The following EFNA5 variants were observed in gnomAD, a reference collection of about 807,000 sequenced individuals.
EFNA5 encodes ephrin A5, also known as ephrin-A5.
In EFNA5, 5 loss-of-function variants were observed where a neutral mutation model predicts 22.9. That is an observed-to-expected ratio of 0.22 (90% CI 0.11 to 0.46). The LOEUF (loss-of-function observed/expected upper bound fraction) is 0.46, where lower values mean the gene tolerates loss of function less well. Ranked by LOEUF, EFNA5 falls within the 20% of genes least tolerant of loss-of-function variation. The pLI is 0.99. For synonymous variants in EFNA5, 113 were observed against 112.2 expected (o/e 1.01, Z -0.04); for missense variants, 237 against 293.3 (o/e 0.81, Z 1.40).
intron 2 of EFNA5, among the ~76,000 whole-genome samples, chr5:107,421,698 G>A (rs252801): frequency 0.5 from 76,386 of 152,000 alleles, 20,214 homozygotes; most frequent in Non-Finnish European, 0.59. Flanking sequence ...TGATGTCAGA[G>A]TGAGTGCTAT....
At chr5:107,566,611 AC>A (rs923224280) in intron 1 of EFNA5, among the ~76,000 whole-genome samples, 1 of 152,240 alleles carries the variant, frequency 6.6e-6, no homozygotes, top group Non-Finnish European at 1.5e-5. Context: ...ATAGATCTTC[AC>A]AAGAGGGAGC....
At chr5:107,486,471 C>T (rs976999044) in intron 1 of EFNA5, among the ~76,000 whole-genome samples, 1 of 152,040 alleles carries the variant, frequency 6.6e-6, no homozygotes, top group Non-Finnish European at 1.5e-5. Context: ...GAGAGTGGTT[C>T]GGGTAACTTA....
chr5:107,569,495 ATGTGTATATATATTTATATATG>A (rs1561435830), intron 1 of EFNA5, among the ~76,000 whole-genome samples: 19 of 130,554 alleles, frequency 1.5e-4, no homozygotes, highest in African/African-American at 4.8e-4. Context: ...ATTTATATAT[ATGTGTATATATATTTATATATG>A]TGTGTATATA....
chr5:107,445,657 G>A lies in EFNA5; in HGVS notation c.126-18148C>T, dbSNP rs1010112853. Among the ~76,000 whole-genome samples the A allele has an allele frequency of 5.3e-5, 8 of 152,120 alleles. No individual in the cohort carries two copies. The East Asian group carries it at 1.5e-3, about 29-fold the overall frequency. ...AGGCAGAGGGACACCTAGCAGGTGT[G>A]GAGTTCAGCCACCCAGACCTCTCCA... is the stretch of plus-strand genomic sequence containing the variant. On this transcript the variant is annotated intron_variant, in intron 1 of 4. Transcript: ENST00000333274.
At chr5:107,599,759 T>C (rs1749549669) in intron 1 of EFNA5, among the ~76,000 whole-genome samples, 1 of 152,172 alleles carries the variant, frequency 6.6e-6, no homozygotes, top group Non-Finnish European at 1.5e-5. Context: ...AGAAGAATAA[T>C]TGCCAAAGTA....
intron 2 of EFNA5, among the ~76,000 whole-genome samples, chr5:107,403,135 C>T (rs1410992657): frequency 6.6e-6 from 1 of 152,160 alleles, no homozygotes; most frequent in Admixed American, 6.5e-5. Flanking sequence ...TAGCCAGGGC[C>T]TGAACCACGC....
At chr5:107,665,898 T>C (rs1184555422) in intron 1 of EFNA5, among the ~76,000 whole-genome samples, 1 of 152,170 alleles carries the variant, frequency 6.6e-6, no homozygotes, top group African/African-American at 2.4e-5. Flanking sequence ...ACCTCAATCA[T>C]ACTGCCTTAT....
At position 107,381,052 on chromosome 5, in the gene EFNA5, G is replaced by A. The variant is rs561312287; in HGVS notation, c.*203C>T. ...CAAGGGCCAGGGCTGGGGGTGGGGCGGGGTGGGGTGAGGGAGGCAGGAACA... is the reference window on the plus strand; with the variant it reads ...CAAGGGCCAGGGCTGGGGGTGGGGCAGGGTGGGGTGAGGGAGGCAGGAACA... On this transcript the variant is annotated 3_prime_UTR_variant, in exon 5 of 5. Transcript: ENST00000333274. 11 of 636,800 alleles carry A rather than the reference G, an allele frequency of 1.7e-5. No individual in the cohort carries two copies. Among genetic ancestry groups the A allele is most frequent in the East Asian group, 2.9e-5 (1 of 34,842 alleles). The allele number at this position is 636,800 out of a possible 1,614,324, so 39.4% of individuals were successfully genotyped here.
intron 1 of EFNA5, among the ~76,000 whole-genome samples, chr5:107,609,390 C>T (rs998433021): frequency 2.0e-5 from 3 of 152,184 alleles, no homozygotes; most frequent in Admixed American, 2.0e-4. Flanking sequence ...TAACCGTCTG[C>T]CATGCCAGCC....
At chr5:107,552,097 C>A (rs2445074) in intron 1 of EFNA5, among the ~76,000 whole-genome samples, 49,891 of 151,848 alleles carry the variant, frequency 0.33, 9,262 homozygotes, top group South Asian at 0.49. Context: ...TTAAAAAATT[C>A]TGGCGTTAGC....
rs1363882358 is a variant in EFNA5 at position 107,511,041 on chromosome 5, T to TGTGTGTGTGTGTGTGTGA, written c.126-83533_126-83532insTCACACACACACACACAC. 4.9e-4 allele frequency among the ~76,000 whole-genome samples: 74 copies of TGTGTGTGTGTGTGTGTGA among 149,848 alleles called. 1 individual carries two copies. The highest frequency in any genetic ancestry group is 1.5e-3 in the African/African-American group (60 of 40,158). ...GTGTGTGTGTGTGTGTGTGTGTGTG[T>TGTGTGTGTGTGTGTGTGA]GAGACGGAGAGTTTTGCTCTTGTTG... On this transcript the variant is annotated intron_variant, in intron 1 of 4. Coordinates refer to ENST00000333274, the MANE Select transcript of EFNA5 (RefSeq NM_001962.3).
At chr5:107,427,580 G>T in intron 1 of EFNA5, 71 bp from the exon 2 acceptor site, 1 of 1,398,378 alleles carries the variant, frequency 7.2e-7, no homozygotes. Flanking sequence ...CAGTGGTTAA[G>T]CCATTCAATA....
At chr5:107,521,697 G>A (rs549030349) in intron 1 of EFNA5, among the ~76,000 whole-genome samples, 4 of 152,060 alleles carry the variant, frequency 2.6e-5, no homozygotes, top group South Asian at 4.2e-4. Context: ...ACTGCATATC[G>A]CCAGCCTGGG....
In EFNA5 at chr5:107,538,386, G is replaced by A. The variant is rs116440721; in HGVS notation, c.126-110877C>T. Among the ~76,000 whole-genome samples, 423 of 152,298 alleles carry A rather than the reference G, an allele frequency of 2.8e-3. 1 individual carries two copies. Among genetic ancestry groups the A allele is most frequent in the African/African-American group, 9.7e-3 (404 of 41,568 alleles). ...TGCAAAGTACTATGCTTGCCATTCT[G>A]ACAAGTACAAAGCACTGTTTATGCT... On this transcript the variant is annotated intron_variant, in intron 1 of 4. Transcript: ENST00000333274.
intron 2 of EFNA5, among the ~76,000 whole-genome samples, chr5:107,389,403 A>T (rs1156491525): frequency 6.6e-6 from 1 of 152,216 alleles, no homozygotes; most frequent in Non-Finnish European, 1.5e-5. Context: ...CGGGTTCCTG[A>T]GGGAGTATAT....
intron 1 of EFNA5, among the ~76,000 whole-genome samples, chr5:107,648,441 C>T (rs1465444195): frequency 6.6e-6 from 1 of 152,092 alleles, no homozygotes. Context: ...CTTCCAAATG[C>T]AAAGGGAAAA....
chr5:107,612,421 G>A (rs1469344587), intron 1 of EFNA5, among the ~76,000 whole-genome samples: 1 of 151,874 alleles, frequency 6.6e-6, no homozygotes, highest in Non-Finnish European at 1.5e-5. Context: ...AAGCCTATTT[G>A]TTGCTAGAAA....
Position 107,381,194 on chromosome 5 carries a change from T to A in EFNA5, c.*61A>T. The A allele has an allele frequency of 1.3e-6, 2 of 1,550,298 alleles. No homozygotes were observed. The highest frequency in any genetic ancestry group is 1.8e-6 in the Non-Finnish European group (2 of 1,136,456). On this transcript the variant is annotated 3_prime_UTR_variant, in exon 5 of 5. Coordinates refer to ENST00000333274, the MANE Select transcript of EFNA5 (RefSeq NM_001962.3). The stretch of plus-strand genomic sequence containing the variant: ...TCCCTTCTTAGGATGAGCAGTTAGG[T>A]GGATCTCTGGTGTTCCAAGACCCTG...
intron 1 of EFNA5, among the ~76,000 whole-genome samples, chr5:107,609,582 G>A (rs1286037013): frequency 2.6e-5 from 4 of 152,140 alleles, no homozygotes; most frequent in African/African-American, 7.2e-5. Flanking sequence ...AAAAATTGCC[G>A]CTGAGCCCAC....
Sources: allele counts gnomAD v4.1 joint callset (sites outside exome capture counted in the v4.1 genomes callset), GRCh38; gene constraint gnomAD v4.1.1; transcripts MANE v1.5; gene names NCBI Gene and HGNC (gene_info 2026-07-23, HGNC 2026-07-21).